The following SLIT2 variants were observed in gnomAD, a reference collection of about 807,000 sequenced individuals.
SLIT2 encodes slit homolog 2 protein.
A neutral mutation model predicts 185.7 loss-of-function variants in SLIT2; 41 were observed. The ratio of observed to expected loss-of-function variants is 0.22; its 90% CI spans 0.17 to 0.29. The LOEUF (loss-of-function observed/expected upper bound fraction) is 0.29, where lower values mean the gene tolerates loss of function less well. SLIT2 is among the 10% of genes least tolerant of loss of function. The probability of loss-of-function intolerance (pLI) is 1.00; values close to 1 mark genes in which losing one functional copy is unlikely to be tolerated. For synonymous variants in SLIT2, 693 were observed against 680.2 expected (o/e 1.02, Z -0.29); for missense variants, 1,571 against 1,909.0 (o/e 0.82, Z 3.30).
chr4:20,578,860 C>T (rs1383395523), intron 29 of SLIT2, among the ~76,000 whole-genome samples: 2 of 152,138 alleles, frequency 1.3e-5, no homozygotes, highest in African/African-American at 4.8e-5. Flanking sequence ...TGGAAAATTT[C>T]AGAAATCTTA....
At chr4:20,469,692 T>G (rs1234362820) in intron 5 of SLIT2, among the ~76,000 whole-genome samples, 1 of 151,890 alleles carries the variant, frequency 6.6e-6, no homozygotes, top group Non-Finnish European at 1.5e-5. Context: ...AATGTTTTGT[T>G]ATTTTTTGGA....
intron 11 of SLIT2, among the ~76,000 whole-genome samples, chr4:20,515,544 C>T (rs1355612412): frequency 6.6e-6 from 1 of 152,134 alleles, no homozygotes; most frequent in Non-Finnish European, 1.5e-5. Flanking sequence ...GTTAACTCTC[C>T]TGCCCAGTAT....
intron 34 of SLIT2, among the ~76,000 whole-genome samples, chr4:20,614,581 C>T (rs1024842771): frequency 6.6e-6 from 1 of 151,766 alleles, no homozygotes; most frequent in Non-Finnish European, 1.5e-5. Flanking sequence ...AGTTGGAGAC[C>T]AGCCTGACCA....
chr4:20,571,657 C>A (rs1285137428), intron 29 of SLIT2, among the ~76,000 whole-genome samples: 14 of 152,136 alleles, frequency 9.2e-5, no homozygotes, highest in Admixed American at 9.2e-4. Context: ...AGTTTGGAAT[C>A]TGATTAATGA....
rs375965987 is a variant in SLIT2, at chr4:20,291,662, T to C, written c.395+22781T>C. On this transcript the variant is annotated intron_variant, in intron 4 of 36. Transcript: ENST00000504154. ...AAAAATGTATCGTATATTGGTACAA[T>C]AATACTAATCTATACAAATAGAAGT... Among the ~76,000 whole-genome samples the C allele has an allele frequency of 1.9e-3, 281 of 151,766 alleles. 1 individual carries two copies. The highest frequency in any genetic ancestry group is 5.5e-3 in the African/African-American group (227 of 41,392).
chr4:20,613,498 CCTA>C (rs1317471249), intron 34 of SLIT2, among the ~76,000 whole-genome samples: 3 of 151,912 alleles, frequency 2.0e-5, no homozygotes, highest in Non-Finnish European at 4.4e-5. Context: ...CACACTGGGG[CCTA>C]GCAGAGGGCG....
intron 4 of SLIT2, among the ~76,000 whole-genome samples, chr4:20,368,248 G>T (rs1352447034): frequency 7.9e-6 from 1 of 125,980 alleles, no homozygotes; most frequent in African/African-American, 3.0e-5. Flanking sequence ...AAAAAAGAAA[G>T]AAAAAAGAGA....
In SLIT2 at chr4:20,431,820, G is replaced by A. The variant is rs115790204; in HGVS notation, c.396-35932G>A. On this transcript the variant is annotated intron_variant, in intron 4 of 36. Coordinates refer to ENST00000504154, the MANE Select transcript of SLIT2 (RefSeq NM_004787.4). ...CGTTAAAATGTCCCTGATAAAAGGA[G>A]GAAAGTGAAGTTGAGCTCCTGGCCG... Among the ~76,000 whole-genome samples the A allele has an allele frequency of 7.0e-3, 1,064 of 152,310 alleles. 22 individuals are homozygous for A. The highest frequency in any genetic ancestry group is 0.024 in the African/African-American group (1,006 of 41,574).
chr4:20,539,651 ATAT>A (rs1464124023), intron 19 of SLIT2, 67 bp downstream of exon 19: 1 of 1,053,866 alleles, frequency 9.5e-7, no homozygotes, highest in Non-Finnish European at 1.3e-6. Context: ...TGTATTTAAT[ATAT>A]TATTAAGCAT....
At chr4:20,420,498 A>T (rs1384555531) in intron 4 of SLIT2, among the ~76,000 whole-genome samples, 2 of 152,188 alleles carry the variant, frequency 1.3e-5, no homozygotes, top group Non-Finnish European at 2.9e-5. Context: ...TTATTTATTT[A>T]ACCAATATTA....
chr4:20,510,405 CTT>C, intron 9 of SLIT2, 88 bp from the exon 10 acceptor site: 2 of 846,748 alleles, frequency 2.4e-6, no homozygotes, highest in Non-Finnish European at 4.0e-6. Flanking sequence ...AGAACATCAA[CTT>C]TACTTCTTGA....
intron 2 of SLIT2, 62 bp from the exon 3 acceptor site, chr4:20,257,806 A>T (rs1488749791): frequency 1.5e-5 from 13 of 848,150 alleles, no homozygotes; most frequent in Non-Finnish European, 2.6e-5. Context: ...CAGTTGCTGA[A>T]TTGAAATTTA....
At chr4:20,614,593 T>C (rs1729498927) in intron 34 of SLIT2, among the ~76,000 whole-genome samples, 1 of 151,542 alleles carries the variant, frequency 6.6e-6, no homozygotes, top group Admixed American at 6.6e-5. Flanking sequence ...GCCTGACCAA[T>C]ATGGAGAAAC....
At chr4:20,317,173 T>A (rs573871960) in intron 4 of SLIT2, among the ~76,000 whole-genome samples, 1 of 152,016 alleles carries the variant, frequency 6.6e-6, no homozygotes, top group Non-Finnish European at 1.5e-5. Flanking sequence ...TTTATTAACA[T>A]GCTACAATTC....
At chr4:20,408,186 C>G (rs957319198) in intron 4 of SLIT2, among the ~76,000 whole-genome samples, 1 of 152,166 alleles carries the variant, frequency 6.6e-6, no homozygotes. Context: ...TTTTTCATCT[C>G]AGCGATTAGC....
intron 26 of SLIT2, among the ~76,000 whole-genome samples, chr4:20,562,312 C>T (rs187306329): frequency 6.6e-6 from 1 of 151,866 alleles, no homozygotes; most frequent in East Asian, 1.9e-4. Flanking sequence ...TTTTTTCACC[C>T]ACTTTTTCAT....
At chr4:20,524,621 G>A (rs1379065507) in intron 14 of SLIT2, among the ~76,000 whole-genome samples, 1 of 152,128 alleles carries the variant, frequency 6.6e-6, no homozygotes, top group Non-Finnish European at 1.5e-5. Context: ...GCGCCAGGAG[G>A]GACTCCAGAT....
At chr4:20,270,676 A>G (rs1281512449) in intron 4 of SLIT2, among the ~76,000 whole-genome samples, 1 of 151,898 alleles carries the variant, frequency 6.6e-6, no homozygotes, top group Non-Finnish European at 1.5e-5. Context: ...TGTTAGGTGG[A>G]GCTAGTTACA....
chr4:20,426,432 A>T (rs1728562638), intron 4 of SLIT2, among the ~76,000 whole-genome samples: 1 of 152,210 alleles, frequency 6.6e-6, no homozygotes. Context: ...GGGGAAAAAC[A>T]GTTTTGCAAA....
Sources: allele counts gnomAD v4.1 joint callset (sites outside exome capture counted in the v4.1 genomes callset), GRCh38; gene constraint gnomAD v4.1.1; transcripts MANE v1.5; gene names NCBI Gene and HGNC (gene_info 2026-07-23, HGNC 2026-07-21).